The following SERGEF variants were observed in gnomAD, a reference collection of about 807,000 sequenced individuals.
SERGEF encodes the protein secretion-regulating guanine nucleotide exchange factor.
A neutral mutation model predicts 50.0 loss-of-function variants in SERGEF; 51 were observed. That is an observed-to-expected ratio of 1.02 (90% CI 0.81 to 1.29). The LOEUF (loss-of-function observed/expected upper bound fraction) is 1.29. Ranked by LOEUF, SERGEF falls within the 50% of genes most tolerant of loss-of-function variation. The pLI, the probability that SERGEF is intolerant of heterozygous loss-of-function variation, is 0.00. For missense variants in SERGEF, 521 were observed against 557.0 expected (o/e 0.94, Z 0.65); for synonymous variants, 205 against 212.4 (o/e 0.97, Z 0.30).
intron 9 of SERGEF, among the ~76,000 whole-genome samples, chr11:17,942,970 T>C (rs1007898292): frequency 6.6e-6 from 1 of 152,158 alleles, no homozygotes; most frequent in African/African-American, 2.4e-5. Context: ...TATATTATCC[T>C]TTTTAAATAT....
chr11:17,853,990 C>T (rs1309264827), intron 10 of SERGEF: 1 of 136,600 alleles, frequency 7.3e-6, no homozygotes, highest in Non-Finnish European at 1.5e-5. Flanking sequence ...CACTGCACTC[C>T]AGCCTGGGGG....
intron 10 of SERGEF, among the ~76,000 whole-genome samples, chr11:17,829,523 A>G (rs919506681): frequency 6.6e-6 from 1 of 152,220 alleles, no homozygotes; most frequent in Non-Finnish European, 1.5e-5. Flanking sequence ...AAAGAAGACC[A>G]TGAATTAACC....
At position 17,888,590 on chromosome 11, in the gene SERGEF, A is replaced by G. The variant is rs1271365003; in HGVS notation, c.1012-10346T>C. On this transcript the variant is annotated intron_variant, in intron 9 of 10. Transcript: ENST00000265965. This position sits in a 1 kb window ranked among gnomAD's most constrained non-coding sequence, Gnocchi z 4.1. Reference sequence around the variant, plus strand: ...GGCAAAGAGAAACCCTGTGGATATCAGGTTAGAATTAGAGTTATCAGTATG... The same window carrying G: ...GGCAAAGAGAAACCCTGTGGATATCGGGTTAGAATTAGAGTTATCAGTATG... Among the ~76,000 whole-genome samples, 1 of 151,166 alleles carries G rather than the reference A, an allele frequency of 6.6e-6. No homozygotes were observed. The highest frequency in any genetic ancestry group is 1.5e-5 in the Non-Finnish European group (1 of 67,802).
At position 18,000,572 on chromosome 11, in the gene SERGEF, A is replaced by G. The variant is rs778989386; in HGVS notation, c.448-15T>C. The G allele has an allele frequency of 1.8e-5, 28 of 1,568,012 alleles. No individual in the cohort carries two copies. In the Admixed American group the frequency reaches 4.6e-4, roughly 26 times the overall value. On this transcript the variant is annotated splice_polypyrimidine_tract_variant and intron_variant, in intron 4 of 10. Coordinates refer to ENST00000265965, the MANE Select transcript of SERGEF (RefSeq NM_012139.4). Reference sequence around the variant, plus strand: ...TCTTTATGGAGCTGTCAAAATAAAGAAAAGGATTTAGATCTCAGAACCATC... The same window carrying G: ...TCTTTATGGAGCTGTCAAAATAAAGGAAAGGATTTAGATCTCAGAACCATC...
intron 10 of SERGEF, among the ~76,000 whole-genome samples, chr11:17,876,982 G>A (rs1471085674): frequency 6.6e-6 from 1 of 152,226 alleles, no homozygotes; most frequent in East Asian, 1.9e-4. Context: ...CTCCTCTGCT[G>A]TCCTTGGTTC....
At chr11:17,905,644 A>C (rs549204057) in intron 9 of SERGEF, among the ~76,000 whole-genome samples, 1 of 152,300 alleles carries the variant, frequency 6.6e-6, no homozygotes, top group Non-Finnish European at 1.5e-5. Context: ...ACATGACAGG[A>C]GTCAGAGGTG....
At chr11:17,955,763 G>A (rs1430835978) in intron 9 of SERGEF, among the ~76,000 whole-genome samples, 1 of 152,216 alleles carries the variant, frequency 6.6e-6, no homozygotes, top group African/African-American at 2.4e-5. Context: ...AGGGCTTGGG[G>A]ACAAGAAACA....
chr11:17,979,598 G>A (rs576837266), intron 8 of SERGEF, among the ~76,000 whole-genome samples: 2 of 152,202 alleles, frequency 1.3e-5, no homozygotes, highest in Non-Finnish European at 2.9e-5. Flanking sequence ...GGCCAGAGGC[G>A]CTCAGTGAAT....
At chr11:17,840,986 T>C (rs1216467400) in intron 10 of SERGEF, among the ~76,000 whole-genome samples, 1 of 152,170 alleles carries the variant, frequency 6.6e-6, no homozygotes, top group Non-Finnish European at 1.5e-5. Flanking sequence ...CATGCATCAA[T>C]ATCTAAATTG....
intron 9 of SERGEF, among the ~76,000 whole-genome samples, chr11:17,904,725 C>T (rs1851807396): frequency 6.6e-6 from 1 of 152,144 alleles, no homozygotes; most frequent in Admixed American, 6.5e-5. Flanking sequence ...CAAGGCCTAC[C>T]AGTCTGCAAA....
intron 9 of SERGEF, among the ~76,000 whole-genome samples, chr11:17,912,976 CA>C (rs1851982054): frequency 6.6e-6 from 1 of 152,206 alleles, no homozygotes; most frequent in Admixed American, 6.5e-5. Flanking sequence ...ATAATGGGTG[CA>C]AAGGATCCTT....
At chr11:18,003,759 G>A (rs913873747) in intron 4 of SERGEF, among the ~76,000 whole-genome samples, 2 of 152,114 alleles carry the variant, frequency 1.3e-5, no homozygotes, top group African/African-American at 4.8e-5. Flanking sequence ...TGAAATAACA[G>A]GCAAATCTAT....
chr11:17,796,444 C>T (rs1044770746), intron 10 of SERGEF, among the ~76,000 whole-genome samples: 1 of 152,162 alleles, frequency 6.6e-6, no homozygotes, highest in Non-Finnish European at 1.5e-5. Flanking sequence ...AGGGCTCTGC[C>T]CTCATGAATG....
chr11:18,004,045 C>T (rs1565228910), intron 4 of SERGEF, among the ~76,000 whole-genome samples: 1 of 151,984 alleles, frequency 6.6e-6, no homozygotes, highest in Non-Finnish European at 1.5e-5. Context: ...ATATGGCTCA[C>T]ATTATATTTC....
At chr11:17,955,707 G>C (rs1025904524) in intron 9 of SERGEF, among the ~76,000 whole-genome samples, 1 of 152,190 alleles carries the variant, frequency 6.6e-6, no homozygotes, top group African/African-American at 2.4e-5. Flanking sequence ...CAGGGAATAA[G>C]GAACAGCAGC....
At chr11:17,967,900 C>A (rs577798085) in intron 8 of SERGEF, among the ~76,000 whole-genome samples, 1 of 152,236 alleles carries the variant, frequency 6.6e-6, no homozygotes, top group African/African-American at 2.4e-5. Context: ...GTCTGTCCCA[C>A]TTATGGAATC....
At chr11:17,815,264 G>C (rs529351640) in intron 10 of SERGEF, among the ~76,000 whole-genome samples, 3 of 152,098 alleles carry the variant, frequency 2.0e-5, no homozygotes, top group East Asian at 3.9e-4. Context: ...CTGGATTTAG[G>C]GTTTTGATCT....
intron 10 of SERGEF, among the ~76,000 whole-genome samples, chr11:17,871,133 G>T (rs1851130385): frequency 6.6e-6 from 1 of 151,968 alleles, no homozygotes; most frequent in Non-Finnish European, 1.5e-5. Flanking sequence ...TCTTAAGTAG[G>T]GCACAAATAC....
At chr11:17,872,121 ATG>A (rs1272829137) in intron 10 of SERGEF, among the ~76,000 whole-genome samples, 3 of 152,230 alleles carry the variant, frequency 2.0e-5, no homozygotes, top group African/African-American at 7.2e-5. Flanking sequence ...TACAGACACA[ATG>A]TGTTGAACAA....
Sources: allele counts gnomAD v4.1 joint callset (sites outside exome capture counted in the v4.1 genomes callset), GRCh38; gene constraint gnomAD v4.1.1; non-coding constraint Gnocchi (gnomAD v3.1); transcripts MANE v1.5; gene names NCBI Gene and HGNC (gene_info 2026-07-23, HGNC 2026-07-21).